The following UBR1 variants were observed in gnomAD, a reference collection of about 807,000 sequenced individuals.
The protein encoded by UBR1 is ubiquitin protein ligase E3 component n-recognin 1, also known as E3 ubiquitin-protein ligase UBR1.
UBR1 carries 102 observed loss-of-function variants against 242.1 expected under a neutral mutation model. The ratio of observed to expected loss-of-function variants is 0.42; its 90% CI spans 0.36 to 0.50. The LOEUF (loss-of-function observed/expected upper bound fraction) is 0.50. UBR1 is among the 20% of genes least tolerant of loss of function. The pLI is 0.01. For synonymous variants in UBR1, 675 were observed against 684.8 expected (o/e 0.99, Z 0.22); for missense variants, 1,772 against 2,101.8 (o/e 0.84, Z 3.07).
At chr15:42,945,583 C>T (rs2031719478) in intron 46 of UBR1, 113 bp from the exon 47 acceptor site, 2 of 1,317,576 alleles carry the variant, frequency 1.5e-6, no homozygotes, top group South Asian at 1.3e-5. Context: ...GGAGGACTCA[C>T]CAGCACAGGG....
intron 1 of UBR1, among the ~76,000 whole-genome samples, chr15:43,095,399 T>C (rs2034147603): frequency 6.6e-6 from 1 of 152,170 alleles, no homozygotes; most frequent in South Asian, 2.1e-4. Flanking sequence ...TAGACTCCAT[T>C]CTGGACAGGG....
At chr15:43,071,617 T>C (rs548161485) in intron 4 of UBR1, among the ~76,000 whole-genome samples, 20 of 152,244 alleles carry the variant, frequency 1.3e-4, no homozygotes, top group African/African-American at 4.8e-4. Context: ...GATAAATTAA[T>C]GTCATATGCT....
intron 39 of UBR1, among the ~76,000 whole-genome samples, chr15:42,973,958 G>A (rs2032247833): frequency 1.4e-5 from 2 of 143,594 alleles, no homozygotes; most frequent in Admixed American, 7.4e-5. Context: ...GAGCAATCTC[G>A]GCTCACTGCA....
At chr15:42,973,526 T>A (rs2032239743) in intron 39 of UBR1, among the ~76,000 whole-genome samples, 1 of 152,150 alleles carries the variant, frequency 6.6e-6, no homozygotes, top group Non-Finnish European at 1.5e-5. Context: ...AACTCCCGGC[T>A]GAAGTGATCT....
chr15:43,009,931 C>G (rs374824010), intron 29 of UBR1, among the ~76,000 whole-genome samples: 1 of 152,146 alleles, frequency 6.6e-6, no homozygotes, highest in Non-Finnish European at 1.5e-5. Flanking sequence ...AGTGCAGTGG[C>G]GCGATCTCGG....
chr15:43,024,352 T>C (rs2033150811), intron 25 of UBR1, among the ~76,000 whole-genome samples: 1 of 152,196 alleles, frequency 6.6e-6, no homozygotes, highest in African/African-American at 2.4e-5. Context: ...TCTACAACAG[T>C]AACAAGGAAA....
At chr15:42,977,017 G>T in intron 38 of UBR1, 150 bp from the exon 39 acceptor site, 1 of 871,576 alleles carries the variant, frequency 1.1e-6, no homozygotes, top group Non-Finnish European at 1.8e-6. Context: ...TTATTCAATA[G>T]AATATCTTAG....
Position 42,988,973 on chromosome 15 carries a change from A to C in UBR1, c.3849-6T>G. 6.3e-7 allele frequency: 1 copy of C among 1,592,408 alleles called. No individual in the cohort carries two copies. Among genetic ancestry groups the C allele is most frequent in the Non-Finnish European group, 8.6e-7 (1 of 1,160,962 alleles). On this transcript the variant is annotated splice_region_variant and splice_polypyrimidine_tract_variant and intron_variant, in intron 34 of 46. Coordinates refer to ENST00000290650, the MANE Select transcript of UBR1 (RefSeq NM_174916.3). ...TGCTATTTGAATATTTAATCCTATA[A>C]ATAAAACAAGAAAATTTGTATGATT...
At chr15:43,000,961 G>A (rs1012883569) in intron 32 of UBR1, among the ~76,000 whole-genome samples, 12 of 152,094 alleles carry the variant, frequency 7.9e-5, no homozygotes, top group Admixed American at 1.3e-4. Flanking sequence ...AGCCTCCTGA[G>A]TAGCTGGGAT....
chr15:42,960,552 A>G, intron 43 of UBR1, 93 bp downstream of exon 43: 3 of 1,271,592 alleles, frequency 2.4e-6, no homozygotes, highest in East Asian at 2.4e-5. Flanking sequence ...GTGAGAATGA[A>G]GAAAGCAGAC....
intron 44 of UBR1, among the ~76,000 whole-genome samples, chr15:42,955,253 T>C (rs1264843959): frequency 1.3e-5 from 2 of 152,200 alleles, no homozygotes; most frequent in East Asian, 1.9e-4. Context: ...ATTTCACATA[T>C]GACTGAGGAC....
At chr15:43,083,723 G>A (rs776667007) in intron 2 of UBR1, among the ~76,000 whole-genome samples, 1 of 151,740 alleles carries the variant, frequency 6.6e-6, no homozygotes, top group Non-Finnish European at 1.5e-5. Context: ...GAATTGAAGA[G>A]ATAAAATTGG....
intron 3 of UBR1, among the ~76,000 whole-genome samples, chr15:43,079,295 G>A (rs547285498): frequency 9.9e-5 from 15 of 152,032 alleles, no homozygotes; most frequent in African/African-American, 3.6e-4. Flanking sequence ...GTGAAACCTC[G>A]TCTCGGTTAA....
chr15:42,970,447 A>T, intron 40 of UBR1, 73 bp downstream of exon 40: 1 of 1,449,680 alleles, frequency 6.9e-7, no homozygotes, highest in Non-Finnish European at 9.6e-7. Flanking sequence ...AATGATTCAA[A>T]TGTTACGTTG....
intron 5 of UBR1, among the ~76,000 whole-genome samples, chr15:43,070,245 A>G (rs943845014): frequency 2.1e-5 from 3 of 140,412 alleles, no homozygotes; most frequent in Non-Finnish European, 4.6e-5. Flanking sequence ...GCTGAGTTCT[A>G]GCTAAAAAAA....
In UBR1 at chr15:43,071,028, C is replaced by A. The variant is rs1003806974; in HGVS notation, c.529-103G>T. ...AATAATCACTTTGCTGAATTCATTACAACATCGTCCAGGAATGAATTCAAG... is the reference window on the plus strand; with the variant it reads ...AATAATCACTTTGCTGAATTCATTAAAACATCGTCCAGGAATGAATTCAAG... On this transcript the variant is annotated intron_variant, in intron 4 of 46. Coordinates refer to ENST00000290650, the MANE Select transcript of UBR1 (RefSeq NM_174916.3). 2.1e-6 allele frequency: 3 copies of A among 1,435,634 alleles called. No homozygotes were observed. The South Asian group carries it at 3.5e-5, about 17-fold the overall frequency. The allele number at this position is 1,435,634 out of a possible 1,614,324, so 88.9% of individuals were successfully genotyped here. A position where few individuals can be genotyped will look rare whatever the true frequency, so the allele number is the denominator to read the frequency against.
chr15:43,075,403 A>T (rs1236267395), intron 3 of UBR1, among the ~76,000 whole-genome samples: 1 of 152,204 alleles, frequency 6.6e-6, no homozygotes, highest in African/African-American at 2.4e-5. Context: ...AATAGATTGC[A>T]AAGTGTGCGA....
chr15:43,069,021 T>C (rs1184386050), intron 5 of UBR1, among the ~76,000 whole-genome samples: 1 of 152,256 alleles, frequency 6.6e-6, no homozygotes, highest in Admixed American at 6.5e-5. Context: ...GAATTTATTT[T>C]TGTTTTTACC....
chr15:43,038,279 T>G (rs2033363895), intron 15 of UBR1, 47 bp from the exon 16 acceptor site: 1 of 1,570,872 alleles, frequency 6.4e-7, no homozygotes, highest in Admixed American at 1.7e-5. Flanking sequence ...AAACCCAATT[T>G]GTTAACTAGT....
Sources: gnomAD v4.1 joint callset for allele counts (sites outside exome capture counted in the v4.1 genomes callset) on GRCh38, gnomAD v4.1.1 for gene constraint, MANE v1.5 for transcripts, NCBI Gene and HGNC (gene_info 2026-07-23, HGNC 2026-07-21) for gene names.